The following CYP20A1 variants were observed in gnomAD, a reference collection of about 807,000 sequenced individuals.
CYP20A1 encodes cytochrome P450 family 20 subfamily A member 1.
In CYP20A1, 61 loss-of-function variants were observed where a neutral mutation model predicts 61.4. The ratio of observed to expected loss-of-function variants is 0.99; its 90% confidence interval spans 0.81 to 1.23. The LOEUF is 1.23. CYP20A1 is among the 50% of genes most tolerant of loss of function. The probability of loss-of-function intolerance (pLI) is 0.00; values close to 1 mark genes in which losing one functional copy is unlikely to be tolerated. For synonymous variants in CYP20A1, 193 were observed against 188.2 expected (o/e 1.03, Z -0.21); for missense variants, 530 against 542.4 (o/e 0.98, Z 0.23).
chr2:203,263,351 G>A (rs1168277162), intron 4 of CYP20A1, among the ~76,000 whole-genome samples: 4 of 147,424 alleles, frequency 2.7e-5, no homozygotes, highest in South Asian at 2.1e-4. Flanking sequence ...GTGTTGTGGC[G>A]CGATCTCGGC....
chr2:203,243,433 C>T (rs1024876600), intron 1 of CYP20A1, among the ~76,000 whole-genome samples: 1 of 151,676 alleles, frequency 6.6e-6, no homozygotes, highest in Non-Finnish European at 1.5e-5. Context: ...CTCTGTCTCC[C>T]AGGCTGGAGT....
intron 4 of CYP20A1, among the ~76,000 whole-genome samples, chr2:203,262,716 A>C (rs947533062): frequency 1.3e-5 from 2 of 151,200 alleles, no homozygotes; most frequent in African/African-American, 4.9e-5. Context: ...TTTGAGACGG[A>C]GTCTTACTCT....
intron 4 of CYP20A1, among the ~76,000 whole-genome samples, chr2:203,264,397 C>T (rs1423579966): frequency 6.6e-6 from 1 of 152,102 alleles, no homozygotes; most frequent in African/African-American, 2.4e-5. Flanking sequence ...AAATATCCCT[C>T]TTTATCTCTA....
At position 203,277,575 on chromosome 2, in the gene CYP20A1, G is replaced by A. The variant is rs547539933; in HGVS notation, c.680-998G>A. 3.3e-5 allele frequency among the ~76,000 whole-genome samples: 5 copies of A among 151,652 alleles called. No homozygotes were observed. The East Asian group carries it at 9.8e-4, about 30-fold the overall frequency. ...CTCTCGCCCAGGCTGGAGTGAAGTG[G>A]CACAATCTTGGCTCACTGCAACCTC... is the stretch of plus-strand genomic sequence containing the variant. On this transcript the variant is annotated intron_variant, in intron 6 of 12. Coordinates refer to ENST00000356079, the MANE Select transcript of CYP20A1 (RefSeq NM_177538.3).
At chr2:203,239,244 A>C in intron 1 of CYP20A1, 110 bp downstream of exon 1, 1 of 931,770 alleles carries the variant, frequency 1.1e-6, no homozygotes, top group East Asian at 2.5e-5. Context: ...GCCTGAGAGG[A>C]GGGTTCGGGT....
intron 1 of CYP20A1, among the ~76,000 whole-genome samples, chr2:203,245,347 AT>A (rs1314143117): frequency 0.047 from 2,501 of 52,846 alleles, 56 homozygotes; most frequent in African/African-American, 0.093. Context: ...TTAAAAAAAA[AT>A]TTTTTTTTTT....
Position 203,302,261 on chromosome 2 carries a change from T to TG in CYP20A1, c.*5354dup, listed in dbSNP as rs200072236. ...AGATTCTAATGTAGGCCGGGCACAG[T>TG]GACTCATGCCTATAACTCAAGCACT... On this transcript the variant is annotated 3_prime_UTR_variant, in exon 13 of 13. Transcript: ENST00000356079. 6.2e-3 allele frequency among the ~76,000 whole-genome samples: 944 copies of TG among 152,298 alleles called. 2 individuals carry two copies. The highest frequency in any genetic ancestry group is 9.8e-3 in the Non-Finnish European group (665 of 68,014).
intron 6 of CYP20A1, 104 bp downstream of exon 6, chr2:203,272,852 T>A: frequency 5.5e-6 from 1 of 182,084 alleles, no homozygotes; most frequent in Non-Finnish European, 1.0e-5. Context: ...TTATATTTTC[T>A]TTTTTTTTTT....
At chr2:203,280,948 G>A (rs1434992654) in intron 8 of CYP20A1, among the ~76,000 whole-genome samples, 1 of 152,068 alleles carries the variant, frequency 6.6e-6, no homozygotes, top group Non-Finnish European at 1.5e-5. Flanking sequence ...TTCATTTCCT[G>A]CTGCTGCTTT....
At chr2:203,248,832 C>T (rs1017264633) in intron 3 of CYP20A1, among the ~76,000 whole-genome samples, 4 of 152,116 alleles carry the variant, frequency 2.6e-5, no homozygotes. Flanking sequence ...ACCTCAGCCT[C>T]CTGAGTAGGT....
rs542214155 is a variant in CYP20A1, at chr2:203,266,261, A to G, written c.433-253A>G. ...TTTTCTATCTTTGAGTTTTTAATTT[A>G]TATTTTCTGTTTTTATTGTCGTGAT... On this transcript the variant is annotated intron_variant, in intron 4 of 12. Transcript: ENST00000356079. Among the ~76,000 whole-genome samples, 5 of 152,128 alleles carry G rather than the reference A, an allele frequency of 3.3e-5. No homozygotes were observed. The East Asian group carries it at 9.6e-4, about 29-fold the overall frequency.
rs1559110323 is a variant in CYP20A1 at position 203,294,940 on chromosome 2, A to ATTTTTTTT, written c.1149-1534_1149-1533insTTTTTTTT. 8.6e-4 allele frequency among the ~76,000 whole-genome samples: 78 copies of ATTTTTTTT among 91,202 alleles called. 1 individual carries two copies. Among genetic ancestry groups the ATTTTTTTT allele is most frequent in the African/African-American group, 3.0e-3 (67 of 22,372 alleles). 59.8% of individuals were successfully genotyped at this position (91,202 alleles called of 152,430 possible). On this transcript the variant is annotated intron_variant, in intron 11 of 12. Coordinates refer to ENST00000356079, the MANE Select transcript of CYP20A1 (RefSeq NM_177538.3). ...AGCCACTGTGCCCAGCCTTTAAAAA[A>ATTTTTTTT]ATTTTTTTTTTTTTTTTTTTTTTTT...
intron 4 of CYP20A1, among the ~76,000 whole-genome samples, chr2:203,256,328 C>T (rs776361973): frequency 1.3e-5 from 2 of 151,774 alleles, no homozygotes; most frequent in Non-Finnish European, 2.9e-5. Flanking sequence ...ACACTTTTCC[C>T]GGTTTATAAT....
rs1376118385 is a variant in CYP20A1, at chr2:203,303,683, A to T, written c.*6775A>T. The stretch of plus-strand genomic sequence containing the variant: ...GCACTCCAGTGTGGGTGACGAGCGA[A>T]AATCCGTCTCAACCAAGAAAAAAGA... On this transcript the variant is annotated 3_prime_UTR_variant, in exon 13 of 13. Coordinates refer to ENST00000356079, the MANE Select transcript of CYP20A1 (RefSeq NM_177538.3). Among the ~76,000 whole-genome samples, 1 of 151,948 alleles carries T rather than the reference A, an allele frequency of 6.6e-6. No individual in the cohort carries two copies. The highest frequency in any genetic ancestry group is 1.9e-4 in the East Asian group (1 of 5,150).
chr2:203,245,949 C>G, intron 2 of CYP20A1, 54 bp downstream of exon 2: 4 of 1,170,390 alleles, frequency 3.4e-6, no homozygotes, highest in Non-Finnish European at 3.7e-6. Flanking sequence ...TTATTGATAT[C>G]AAGACTAAAC....
intron 6 of CYP20A1, among the ~76,000 whole-genome samples, chr2:203,274,252 C>T (rs2067723280): frequency 6.7e-6 from 1 of 149,286 alleles, no homozygotes; most frequent in African/African-American, 2.5e-5. Context: ...GTGGTGCGGT[C>T]ACGGCTCACT....
chr2:203,267,455 AC>A (rs2067371902), intron 5 of CYP20A1, among the ~76,000 whole-genome samples: 1 of 149,862 alleles, frequency 6.7e-6, no homozygotes, highest in African/African-American at 2.5e-5. Flanking sequence ...AATTGCCTGA[AC>A]CCAGGTGGCA....
intron 6 of CYP20A1, among the ~76,000 whole-genome samples, chr2:203,277,263 G>A (rs556809725): frequency 9.9e-5 from 15 of 151,654 alleles, no homozygotes; most frequent in African/African-American, 3.1e-4. Flanking sequence ...CAGGAGAATC[G>A]TTTGAACCCG....
At chr2:203,259,350 G>A (rs1352106438) in intron 4 of CYP20A1, among the ~76,000 whole-genome samples, 1 of 152,142 alleles carries the variant, frequency 6.6e-6, no homozygotes, top group African/African-American at 2.4e-5. Flanking sequence ...TGTTGGGGGT[G>A]GGGCTTGGTG....
Sources: gnomAD v4.1 joint callset for allele counts (sites outside exome capture counted in the v4.1 genomes callset) on GRCh38, gnomAD v4.1.1 for gene constraint, MANE v1.5 for transcripts, NCBI Gene and HGNC (gene_info 2026-07-23, HGNC 2026-07-21) for gene names.